The following FBXL7 variants were observed in gnomAD, a reference collection of about 807,000 sequenced individuals.
FBXL7 encodes the protein F-box and leucine rich repeat protein 7.
In FBXL7, 12 loss-of-function variants were observed where a neutral mutation model predicts 38.3. The ratio of observed to expected loss-of-function variants is 0.31; its 90% CI spans 0.20 to 0.51. The LOEUF (loss-of-function observed/expected upper bound fraction) is 0.51, where lower values mean the gene tolerates loss of function less well. Among genes scored for constraint, FBXL7 ranks in the 20% least tolerant of loss-of-function variants. FBXL7 has a pLI of 0.98. For synonymous variants in FBXL7, 297 were observed against 300.9 expected, an observed-to-expected ratio of 0.99 and a Z score of 0.13; for missense variants, 567 against 676.4, an observed-to-expected ratio of 0.84 and a Z score of 1.79.
chr5:15,603,782 G>C (rs1460815393), intron 1 of FBXL7, among the ~76,000 whole-genome samples: 1 of 152,192 alleles, frequency 6.6e-6, no homozygotes, highest in East Asian at 1.9e-4. Flanking sequence ...GACATTCAGT[G>C]GCTTGAAAGG....
At chr5:15,709,768 G>A (rs1467757436) in intron 2 of FBXL7, among the ~76,000 whole-genome samples, 14 of 152,110 alleles carry the variant, frequency 9.2e-5, no homozygotes. Flanking sequence ...TCTGGAGGCT[G>A]GGAAGTCCAA....
intron 2 of FBXL7, among the ~76,000 whole-genome samples, chr5:15,707,461 G>C (rs568806849): frequency 6.6e-6 from 1 of 152,154 alleles, no homozygotes; most frequent in South Asian, 2.1e-4. Context: ...TTACATATTT[G>C]TGACACCTAG....
intron 2 of FBXL7, among the ~76,000 whole-genome samples, chr5:15,891,598 T>C (rs1255060197): frequency 6.6e-6 from 1 of 152,182 alleles, no homozygotes; most frequent in Non-Finnish European, 1.5e-5. Context: ...GAGTATATTA[T>C]ATGTCAGATG....
intron 1 of FBXL7, among the ~76,000 whole-genome samples, chr5:15,522,285 G>GC (rs1414376765): frequency 6.6e-6 from 1 of 151,882 alleles, no homozygotes; most frequent in Non-Finnish European, 1.5e-5. Context: ...CACAACCCCT[G>GC]CCCCACCATC....
rs369758643 is a variant in FBXL7 at position 15,625,014 on chromosome 5, A to G, written c.127+8942A>G. ...CTTTTTCCCATGAGTTGGAGTATCC[A>G]GAGGTCCTCACCGGATGCAGCTGTC... On this transcript the variant is annotated intron_variant, in intron 2 of 3. Transcript: ENST00000504595. Among the ~76,000 whole-genome samples, 3 of 152,010 alleles carry G rather than the reference A, an allele frequency of 2.0e-5. No homozygotes were observed. In the South Asian group the frequency reaches 6.2e-4, roughly 32 times the overall value.
At chr5:15,709,367 C>T (rs1743788154) in intron 2 of FBXL7, among the ~76,000 whole-genome samples, 1 of 151,956 alleles carries the variant, frequency 6.6e-6, no homozygotes, top group Admixed American at 6.6e-5. Flanking sequence ...AACCCTGTCT[C>T]TACTAAAAAT....
At chr5:15,624,797 G>A (rs933365819) in intron 2 of FBXL7, among the ~76,000 whole-genome samples, 1 of 151,010 alleles carries the variant, frequency 6.6e-6, no homozygotes, top group Non-Finnish European at 1.5e-5. Context: ...TTGAAAATCA[G>A]TCAGATTTGC....
chr5:15,513,658 T>C (rs976390671), intron 1 of FBXL7, among the ~76,000 whole-genome samples: 28 of 152,238 alleles, frequency 1.8e-4, no homozygotes, highest in African/African-American at 6.3e-4. Flanking sequence ...GTGACCTTCA[T>C]TTTGAAGTGC....
intron 1 of FBXL7, among the ~76,000 whole-genome samples, chr5:15,547,368 G>A (rs1737942538): frequency 1.3e-5 from 2 of 152,226 alleles, no homozygotes; most frequent in South Asian, 4.1e-4. Context: ...AGCTGTGGGT[G>A]TGAAGAGCAG....
chr5:15,506,316 G>T (rs1458530015), intron 1 of FBXL7, among the ~76,000 whole-genome samples: 1 of 152,016 alleles, frequency 6.6e-6, no homozygotes, highest in Non-Finnish European at 1.5e-5. Flanking sequence ...TCCAGGGCAG[G>T]AAGTGTCTAC....
chr5:15,568,260 T>G (rs1468343838), intron 1 of FBXL7, among the ~76,000 whole-genome samples: 3 of 152,076 alleles, frequency 2.0e-5, no homozygotes, highest in South Asian at 2.1e-4. Flanking sequence ...CAGCACCTGT[T>G]GTTTCCTGAC....
At chr5:15,768,851 A>G (rs1489672627) in intron 2 of FBXL7, among the ~76,000 whole-genome samples, 1 of 152,238 alleles carries the variant, frequency 6.6e-6, no homozygotes, top group Non-Finnish European at 1.5e-5. Context: ...ATGGAGATAT[A>G]CATCAAAGTC....
At chr5:15,731,266 C>T (rs1735575776) in intron 2 of FBXL7, among the ~76,000 whole-genome samples, 1 of 152,170 alleles carries the variant, frequency 6.6e-6, no homozygotes, top group Non-Finnish European at 1.5e-5. Flanking sequence ...TAATGGAGAA[C>T]TCACAGTTCC....
At chr5:15,670,205 C>G (rs1200969909) in intron 2 of FBXL7, among the ~76,000 whole-genome samples, 1 of 152,190 alleles carries the variant, frequency 6.6e-6, no homozygotes. Flanking sequence ...AAAAGTCTAT[C>G]TTAAGAGCTA....
chr5:15,849,706 A>T (rs1299557081), intron 2 of FBXL7, among the ~76,000 whole-genome samples: 1 of 152,236 alleles, frequency 6.6e-6, no homozygotes, highest in Non-Finnish European at 1.5e-5. Flanking sequence ...GAGTGGAAAC[A>T]GATTAAGACA....
chr5:15,690,132 A>AT (rs1303875383), intron 2 of FBXL7, among the ~76,000 whole-genome samples: 1 of 152,102 alleles, frequency 6.6e-6, no homozygotes, highest in Non-Finnish European at 1.5e-5. Context: ...CCTTTTCTAT[A>AT]TTTTTTTAAA....
At chr5:15,722,484 G>A (rs1228502178) in intron 2 of FBXL7, among the ~76,000 whole-genome samples, 3 of 152,198 alleles carry the variant, frequency 2.0e-5, no homozygotes, top group East Asian at 1.9e-4. Flanking sequence ...TGCATAATTT[G>A]GCTGTTTTGG....
intron 2 of FBXL7, among the ~76,000 whole-genome samples, chr5:15,687,567 A>G (rs754940669): frequency 2.1e-4 from 32 of 152,168 alleles, no homozygotes; most frequent in Non-Finnish European, 4.3e-4. Flanking sequence ...CATTAGTTAT[A>G]ATAACAATAA....
chr5:15,804,050 G>A (rs1240366867), intron 2 of FBXL7, among the ~76,000 whole-genome samples: 1 of 152,170 alleles, frequency 6.6e-6, no homozygotes, highest in Non-Finnish European at 1.5e-5. Context: ...TGTTATTTAT[G>A]ACTGTCCCTT....
Sources: gnomAD v4.1 joint callset for allele counts (sites outside exome capture counted in the v4.1 genomes callset) on GRCh38, gnomAD v4.1.1 for gene constraint, MANE v1.5 for transcripts, NCBI Gene and HGNC (gene_info 2026-07-23, HGNC 2026-07-21) for gene names.